SLTM: variants seen among roughly 807,000 people sequenced by gnomAD.
SLTM encodes the protein SAFB like transcription modulator, also known as SAFB-like transcription modulator.
In SLTM, 43 loss-of-function variants were observed where a neutral mutation model predicts 134.6. That is an observed-to-expected ratio of 0.32 (90% CI 0.25 to 0.41). The LOEUF (loss-of-function observed/expected upper bound fraction) is 0.41. Ranked by LOEUF, SLTM falls within the 10% of genes least tolerant of loss-of-function variation. The probability of loss-of-function intolerance (pLI) is 1.00; values close to 1 mark genes in which losing one functional copy is unlikely to be tolerated. For synonymous variants in SLTM, 424 were observed against 432.3 expected (o/e 0.98, Z 0.24); for missense variants, 1,055 against 1,288.8 (o/e 0.82, Z 2.78).
In SLTM at chr15:58,893,839, C is replaced by G; in HGVS notation, c.1630G>C (p.Glu544Gln). ...AGCATACTTATTCGCTTCTTTTCTT[C>G]ACTTTTTTTAATCGATTCTGATGTT... Reference protein sequence around the residue: ...GQTSESIKKSEEKKRISSKSP... With the variant: ...GQTSESIKKSQEKKRISSKSP... Residue 544 changes from glutamate to glutamine, a missense_variant, in exon 12 of 21, where the codon GAA (glutamate) becomes CAA (glutamine). Glu to Gln is a conservative substitution (Grantham distance 29). Coordinates refer to ENST00000380516, the MANE Select transcript of SLTM (RefSeq NM_024755.4). 1.2e-6 allele frequency: 2 copies of G among 1,609,336 alleles called. No individual in the cohort carries two copies. Among genetic ancestry groups the G allele is most frequent in the Non-Finnish European group, 1.7e-6 (2 of 1,178,930 alleles).
At chr15:58,900,969 C>G (rs1462420192) in intron 6 of SLTM, 1 of 300,444 alleles carries the variant, frequency 3.3e-6, no homozygotes, top group Non-Finnish European at 6.2e-6. Context: ...AATCAACTTA[C>G]CGTATACCAG....
chr15:58,884,990 T>C (rs1198685066), intron 19 of SLTM, among the ~76,000 whole-genome samples: 3 of 152,194 alleles, frequency 2.0e-5, no homozygotes, highest in Non-Finnish European at 4.4e-5. Flanking sequence ...CCCTTGATTA[T>C]TTCAAATACT....
chr15:58,887,328 T>C lies in SLTM; in HGVS notation c.2588A>G (p.Asp863Gly), dbSNP rs753173931. 4 of 1,613,902 alleles carry C rather than the reference T, an allele frequency of 2.5e-6. No homozygotes were observed. The Admixed American group carries it at 6.7e-5, about 27-fold the overall frequency. Residue 863 changes from aspartate to glycine, a missense_variant, in exon 18 of 21, where the codon GAT becomes GGT. Asp to Gly is a moderately conservative substitution (Grantham distance 94, BLOSUM62 -1). This residue lies in a region of SLTM where 776 missense variants were observed against 962.2 expected (regional missense o/e 0.81). Coordinates refer to ENST00000380516, the MANE Select transcript of SLTM (RefSeq NM_024755.4). ...TCGAGGATGTCTAGGATGAGTGATATCAGGCCTGTCATGAATAATCACCGT... is the reference window on the plus strand; with the variant it reads ...TCGAGGATGTCTAGGATGAGTGATACCAGGCCTGTCATGAATAATCACCGT... ...RRTVIIHDRP[D>G]ITHPRHPREA...
intron 4 of SLTM, chr15:58,912,874 T>A (rs1184842555): frequency 3.3e-5 from 13 of 388,582 alleles, no homozygotes; most frequent in African/African-American, 2.0e-4. Context: ...GCATGAATAC[T>A]AACAGCACTG....
chr15:58,931,238 T>C, intron 2 of SLTM, among the ~76,000 whole-genome samples: 1 of 152,174 alleles, frequency 6.6e-6, no homozygotes, highest in Non-Finnish European at 1.5e-5. Flanking sequence ...TTTTTACTTC[T>C]CTAAACTACA....
At chr15:58,913,970 A>G (rs2036456953) in intron 3 of SLTM, among the ~76,000 whole-genome samples, 1 of 152,238 alleles carries the variant, frequency 6.6e-6, no homozygotes, top group Non-Finnish European at 1.5e-5. Context: ...CCAGTTATTT[A>G]ATATTTACCA....
At chr15:58,924,853 G>C (rs1184851900) in intron 2 of SLTM, among the ~76,000 whole-genome samples, 1 of 152,130 alleles carries the variant, frequency 6.6e-6, no homozygotes, top group Admixed American at 6.5e-5. Context: ...ACAAGGTCTT[G>C]CTCTATCGCC....
rs143078784 is a variant in SLTM at position 58,913,835 on chromosome 15, T to G, written c.316-139A>C. 579 of 629,166 alleles carry G rather than the reference T, an allele frequency of 9.2e-4. 1 individual carries two copies. In the African/African-American group the frequency reaches 9.8e-3, roughly 11 times the overall value. The allele number at this position is 629,166 out of a possible 1,614,324, so 39.0% of individuals were successfully genotyped here. ...ATTCCCAAAGTTCATTCATTTTACCTTATATATTTACTGTGTCTTTAAAAA... is the reference window on the plus strand; with the variant it reads ...ATTCCCAAAGTTCATTCATTTTACCGTATATATTTACTGTGTCTTTAAAAA... On this transcript the variant is annotated intron_variant, in intron 3 of 20. Transcript: ENST00000380516.
chr15:58,914,898 T>C (rs1404454760), intron 3 of SLTM, among the ~76,000 whole-genome samples: 2 of 152,178 alleles, frequency 1.3e-5, no homozygotes, highest in Non-Finnish European at 2.9e-5. Context: ...ACACAGAATT[T>C]TTAAAAAGCT....
At chr15:58,884,698 G>A (rs1386572593) in intron 19 of SLTM, among the ~76,000 whole-genome samples, 8 of 151,462 alleles carry the variant, frequency 5.3e-5, no homozygotes, top group Non-Finnish European at 7.4e-5. Flanking sequence ...TGTTGCTACC[G>A]TAACTCACTG....
At chr15:58,886,226 T>A (rs1393270155) in intron 19 of SLTM, among the ~76,000 whole-genome samples, 2,989 of 79,958 alleles carry the variant, frequency 0.037, 110 homozygotes, top group African/African-American at 0.16. Context: ...AGAGTGTGTG[T>A]GTGTGTGTGT....
At chr15:58,924,357 A>T (rs2141213431) in intron 2 of SLTM, among the ~76,000 whole-genome samples, 1 of 152,350 alleles carries the variant, frequency 6.6e-6, no homozygotes, top group East Asian at 1.9e-4. Context: ...CAAGACTATA[A>T]ACATTTATGT....
chr15:58,922,624 T>A (rs1595934506), intron 2 of SLTM, among the ~76,000 whole-genome samples: 1 of 146,768 alleles, frequency 6.8e-6, no homozygotes, highest in African/African-American at 2.5e-5. Flanking sequence ...ATTATATACA[T>A]GTATAAAATA....
chr15:58,925,584 C>T (rs912928163), intron 2 of SLTM, among the ~76,000 whole-genome samples: 9 of 151,964 alleles, frequency 5.9e-5, no homozygotes, highest in East Asian at 1.9e-4. Context: ...GTGATCCACC[C>T]GCCTCCACCT....
chr15:58,897,437 T>C, intron 8 of SLTM: 2 of 472,766 alleles, frequency 4.2e-6, no homozygotes, highest in African/African-American at 1.9e-5. Flanking sequence ...TTTCCTATTG[T>C]ATGAGTTCTA....
At position 58,890,453 on chromosome 15, in the gene SLTM, T is replaced by C; in HGVS notation, c.1907A>G (p.Glu636Gly). The part of the protein sequence containing the change: ...RRAMELRRRR[E>G]IAERERRERE... ...CTCTCGACGCTCTCTCTCTGCAATC[T>C]CTCTTCGTCTACCAAAAATCAGTAT... Residue 636 changes from glutamate (E) to glycine (G), a missense_variant, in exon 15 of 21, where the codon GAG becomes GGG. Physicochemically the swap from Glu to Gly is moderately conservative, Grantham distance 98. Coordinates refer to ENST00000380516, the MANE Select transcript of SLTM (RefSeq NM_024755.4). 6.2e-7 allele frequency: 1 copy of C among 1,613,354 alleles called. No homozygotes were observed.
rs2037833205 is a variant in SLTM at position 58,930,898 on chromosome 15, GAAATT to G, written c.250+1453_250+1457del. On this transcript the variant is annotated intron_variant, in intron 2 of 20. Transcript: ENST00000380516. The stretch of plus-strand genomic sequence containing the variant: ...CAAAACTGAAAAAGGGATATACAGA[GAAATT>G]AAAAGTAGGTGAGAAAGGAATAAAT... 1.3e-4 allele frequency among the ~76,000 whole-genome samples: 20 copies of G among 151,880 alleles called. No homozygotes were observed. In the South Asian group the frequency reaches 4.1e-3, roughly 31 times the overall value.
At chr15:58,922,859 C>T (rs1028856600) in intron 2 of SLTM, among the ~76,000 whole-genome samples, 3 of 151,430 alleles carry the variant, frequency 2.0e-5, no homozygotes, top group Non-Finnish European at 2.9e-5. Flanking sequence ...ATTACAGGCA[C>T]GTGCTGCCAC....
intron 2 of SLTM, among the ~76,000 whole-genome samples, chr15:58,922,053 C>A (rs1405938365): frequency 2.0e-5 from 3 of 151,950 alleles, no homozygotes; most frequent in South Asian, 4.1e-4. Context: ...AAACACTTCC[C>A]CTCCATACAA....
Sources: allele counts gnomAD v4.1 joint callset (sites outside exome capture counted in the v4.1 genomes callset), GRCh38; gene constraint gnomAD v4.1.1; regional missense constraint gnomAD v4.1.1; transcripts MANE v1.5; gene names NCBI Gene and HGNC (gene_info 2026-07-23, HGNC 2026-07-21).